The following NPIPB11 variants were observed in gnomAD, a reference collection of about 807,000 sequenced individuals.
The protein encoded by NPIPB11 is nuclear pore complex-interacting protein family member B11.
NPIPB11 carries 17 observed loss-of-function variants against 32.8 expected under a neutral mutation model. The ratio of observed to expected loss-of-function variants is 0.52; its 90% CI spans 0.35 to 0.78. NPIPB11 has a LOEUF of 0.78. Ranked by LOEUF, NPIPB11 falls within the 30% of genes least tolerant of loss-of-function variation. The probability of loss-of-function intolerance (pLI) is 0.01; values close to 1 mark genes in which losing one functional copy is unlikely to be tolerated. For missense variants in NPIPB11, 537 were observed against 1,000.4 expected (o/e 0.54, Z 6.25); for synonymous variants, 209 against 398.4 (o/e 0.52, Z 5.66).
chr16:29,397,448 T>G, intron 2 of NPIPB11: 1 of 1,054,180 alleles, frequency 9.5e-7, no homozygotes, highest in Non-Finnish European at 1.3e-6. Flanking sequence ...TGGACTCAAG[T>G]GATCTGCCCA....
chr16:29,390,464 C>T, intron 3 of NPIPB11, 116 bp from the exon 4 acceptor site: 11 of 1,519,752 alleles, frequency 7.2e-6, no homozygotes, highest in Non-Finnish European at 9.9e-6. Flanking sequence ...ACCAGCCTGG[C>T]CAAGATGGTG....
intron 5 of NPIPB11, among the ~76,000 whole-genome samples, chr16:29,389,300 T>G (rs1417211799): frequency 6.9e-6 from 1 of 144,756 alleles, no homozygotes; most frequent in Non-Finnish European, 1.5e-5. Flanking sequence ...AGGCAGAGGT[T>G]GCAGTGAGCC....
intron 2 of NPIPB11, among the ~76,000 whole-genome samples, chr16:29,394,359 G>A (rs1484389120): frequency 6.6e-6 from 1 of 150,788 alleles, no homozygotes; most frequent in Non-Finnish European, 1.5e-5. Context: ...ATTAAAAGAA[G>A]CAAAGTTGTC....
intron 2 of NPIPB11, among the ~76,000 whole-genome samples, chr16:29,401,435 T>A (rs4017136): frequency 6.6e-6 from 1 of 152,164 alleles, no homozygotes; most frequent in Non-Finnish European, 1.5e-5. Flanking sequence ...AAGTCTACTC[T>A]GTTTCATCAT....
intron 2 of NPIPB11, among the ~76,000 whole-genome samples, chr16:29,401,623 T>C (rs980269169): frequency 6.6e-6 from 1 of 151,962 alleles, no homozygotes; most frequent in Non-Finnish European, 1.5e-5. Context: ...GTCCACCGAG[T>C]ATTTCAGGTT....
rs909918415 is a variant in NPIPB11 at position 29,391,011 on chromosome 16, G to A, written c.250-663C>T. On this transcript the variant is annotated intron_variant, in intron 3 of 7. Transcript: ENST00000524087. ...AGGCCACCTGCGGTAGCTCATGCCTGTAATCCCAACACTTTGGGAGGCCGA... is the reference window on the plus strand; with the variant it reads ...AGGCCACCTGCGGTAGCTCATGCCTATAATCCCAACACTTTGGGAGGCCGA... Among the ~76,000 whole-genome samples the A allele has an allele frequency of 6.0e-5, 9 of 150,138 alleles. No homozygotes were observed. In the South Asian group the frequency reaches 1.1e-3, roughly 18 times the overall value.
intron 5 of NPIPB11, 129 bp downstream of exon 5, chr16:29,389,812 A>G (rs1963668017): frequency 1.3e-6 from 2 of 1,484,112 alleles, no homozygotes; most frequent in South Asian, 1.2e-5. Context: ...AGCAGAAAGG[A>G]CAAACTCAAT....
At chr16:29,389,076 T>G (rs529736382) in intron 5 of NPIPB11, among the ~76,000 whole-genome samples, 6 of 151,544 alleles carry the variant, frequency 4.0e-5, no homozygotes, top group Non-Finnish European at 8.8e-5. Flanking sequence ...ATGTCTGTAG[T>G]CCCAGCTACT....
At chr16:29,389,075 G>T (rs1428733914) in intron 5 of NPIPB11, among the ~76,000 whole-genome samples, 2 of 151,628 alleles carry the variant, frequency 1.3e-5, no homozygotes, top group African/African-American at 4.9e-5. Context: ...TATGTCTGTA[G>T]TCCCAGCTAC....
exon 8 of NPIPB11, chr16:29,382,308 C>G (rs1417576326): frequency 6.3e-7 from 1 of 1,586,146 alleles, no homozygotes; most frequent in East Asian, 2.3e-5. Context: ...CGGCAGGTGT[C>G]TTGATATTAT....
intron 3 of NPIPB11, among the ~76,000 whole-genome samples, chr16:29,391,662 T>C (rs561253042): frequency 6.6e-6 from 1 of 152,296 alleles, no homozygotes; most frequent in African/African-American, 2.4e-5. Context: ...ATAGCGAAAA[T>C]GCAATGCAAA....
At chr16:29,397,297 C>G (rs1165681440) in intron 2 of NPIPB11, among the ~76,000 whole-genome samples, 1 of 151,874 alleles carries the variant, frequency 6.6e-6, no homozygotes, top group African/African-American at 2.4e-5. Flanking sequence ...ACGTCCAGCT[C>G]CTGGGCCCAA....
chr16:29,397,356 A>C (rs986954028), intron 2 of NPIPB11, among the ~76,000 whole-genome samples: 7 of 151,388 alleles, frequency 4.6e-5, no homozygotes, highest in African/African-American at 1.7e-4. Context: ...ACAGGTACGC[A>C]CCACCAGGCC....
chr16:29,398,570 T>C (rs2142135625), intron 2 of NPIPB11, among the ~76,000 whole-genome samples: 1 of 151,750 alleles, frequency 6.6e-6, no homozygotes, highest in Admixed American at 6.6e-5. Context: ...CCTGACTTAT[T>C]TTGTTCCAGC....
chr16:29,396,859 T>G (rs1164797550), intron 2 of NPIPB11, among the ~76,000 whole-genome samples: 2,282 of 149,584 alleles, frequency 0.015, 47 homozygotes, highest in African/African-American at 0.053. Flanking sequence ...ACACTTAAGG[T>G]TATATATTTT....
exon 4 of NPIPB11, chr16:29,390,279 C>G: frequency 6.3e-7 from 1 of 1,587,746 alleles, no homozygotes; most frequent in Non-Finnish European, 8.5e-7. Context: ...GACCTCCAGG[C>G]TCTCTGCTGT....
At chr16:29,397,783 G>A (rs1433247821) in intron 2 of NPIPB11, 3 of 170,422 alleles carry the variant, frequency 1.8e-5, no homozygotes, top group African/African-American at 2.1e-4. Context: ...AAGGGAAGGG[G>A]AGGGGAAGGG....
upstream of NPIPB11, among the ~76,000 whole-genome samples, chr16:29,405,109 C>T (rs1964083916): frequency 6.6e-6 from 1 of 151,016 alleles, no homozygotes; most frequent in African/African-American, 2.4e-5. Context: ...GCAGCCTCCC[C>T]AGCACAAAAT....
At chr16:29,398,742 C>CAA (rs1310317479) in intron 2 of NPIPB11, among the ~76,000 whole-genome samples, 1 of 149,466 alleles carries the variant, frequency 6.7e-6, no homozygotes, top group Non-Finnish European at 1.5e-5. Context: ...CAAAATGAAA[C>CAA]AAGATTGCCT....
Sources: gnomAD v4.1 joint callset for allele counts (sites outside exome capture counted in the v4.1 genomes callset) on GRCh38, gnomAD v4.1.1 for gene constraint, MANE v1.5 for transcripts, NCBI Gene and HGNC (gene_info 2026-07-23, HGNC 2026-07-21) for gene names.